Variants in ZNF423 observed in about 807,000 individuals in gnomAD.
ZNF423 encodes the protein zinc finger protein 423.
ZNF423 carries 12 observed loss-of-function variants against 95.8 expected under a neutral mutation model. That is an observed-to-expected ratio of 0.13 (90% confidence interval 0.08 to 0.20). The LOEUF (loss-of-function observed/expected upper bound fraction) is 0.20. ZNF423 is among the 10% of genes least tolerant of loss of function. The pLI, the probability that ZNF423 is intolerant of heterozygous loss-of-function variation, is 1.00. For missense variants in ZNF423, 1,316 were observed against 1,737.1 expected, an observed-to-expected ratio of 0.76 and a Z score of 4.31; for synonymous variants, 749 against 711.9, an observed-to-expected ratio of 1.05 and a Z score of -0.83.
rs562016243 is a variant in ZNF423, at chr16:49,735,917, T to C, written c.101-4946A>G. 4.6e-5 allele frequency among the ~76,000 whole-genome samples: 7 copies of C among 152,272 alleles called. No individual in the cohort carries two copies. In the East Asian group the frequency reaches 1.3e-3, roughly 29 times the overall value. Reference sequence around the variant, plus strand: ...AGTTAGCTCATAGTACTGTGAGAAGTAGTAATAAATTATTGCTTCAGGCCA... The same window carrying C: ...AGTTAGCTCATAGTACTGTGAGAAGCAGTAATAAATTATTGCTTCAGGCCA... On this transcript the variant is annotated intron_variant, in intron 2 of 7. Coordinates refer to ENST00000563137, the MANE Select transcript of ZNF423 (RefSeq NM_001379286.1).
At chr16:49,762,156 G>A (rs2033843838) in intron 2 of ZNF423, among the ~76,000 whole-genome samples, 1 of 152,202 alleles carries the variant, frequency 6.6e-6, no homozygotes, top group African/African-American at 2.4e-5. Flanking sequence ...TTGAGGCCCA[G>A]CAGGCTGAGC....
intron 1 of ZNF423, among the ~76,000 whole-genome samples, chr16:49,828,707 T>C (rs2035031258): frequency 6.6e-6 from 1 of 152,210 alleles, no homozygotes; most frequent in Admixed American, 6.5e-5. Flanking sequence ...GCGGGCGCCA[T>C]GCTCCAGGCG....
chr16:49,801,228 C>G (rs1469434699), intron 1 of ZNF423, among the ~76,000 whole-genome samples: 3 of 152,206 alleles, frequency 2.0e-5, no homozygotes, highest in Non-Finnish European at 4.4e-5. Context: ...GGTGAGGAGA[C>G]AGACGCCAGC....
intron 5 of ZNF423, among the ~76,000 whole-genome samples, chr16:49,532,973 C>T (rs962070426): frequency 1.6e-4 from 24 of 152,188 alleles, no homozygotes; most frequent in African/African-American, 5.1e-4. Context: ...AATGCCAATT[C>T]CACGCATGGG....
intron 3 of ZNF423, among the ~76,000 whole-genome samples, chr16:49,649,671 G>GGA (rs71134598): frequency 0.13 from 19,017 of 147,940 alleles, 1,609 homozygotes; most frequent in South Asian, 0.27. Context: ...ACACACACAG[G>GGA]GAGAGAGAGA....
chr16:49,840,334 G>A (rs948767606), intron 1 of ZNF423, among the ~76,000 whole-genome samples: 3 of 151,918 alleles, frequency 2.0e-5, no homozygotes, highest in East Asian at 1.9e-4. Flanking sequence ...TTCTCTTTTT[G>A]GGGGGGTGGA....
intron 1 of ZNF423, among the ~76,000 whole-genome samples, chr16:49,826,202 A>G (rs1187386200): frequency 2.0e-5 from 3 of 152,046 alleles, no homozygotes; most frequent in African/African-American, 4.8e-5. Flanking sequence ...AAAGAGCAAG[A>G]CCCTGTCTCA....
chr16:49,752,979 C>T (rs2033659258), intron 2 of ZNF423, among the ~76,000 whole-genome samples: 1 of 152,218 alleles, frequency 6.6e-6, no homozygotes, highest in African/African-American at 2.4e-5. Context: ...CACAGTGGCT[C>T]ACGCCTGTAA....
chr16:49,726,856 C>CAAAAAAAAAAAA lies in ZNF423; in HGVS notation c.301+3903_301+3914dup, dbSNP rs368675702. 1.6e-4 allele frequency among the ~76,000 whole-genome samples: 15 copies of CAAAAAAAAAAAA among 94,784 alleles called. 1 individual carries two copies. Among genetic ancestry groups the CAAAAAAAAAAAA allele is most frequent in the South Asian group, 4.3e-4 (1 of 2,340 alleles). 62.2% of individuals were successfully genotyped at this position (94,784 alleles called of 152,430 possible). A position where few individuals can be genotyped will look rare whatever the true frequency, so the allele number is the denominator to read the frequency against. On this transcript the variant is annotated intron_variant, in intron 3 of 7. Coordinates refer to ENST00000563137, the MANE Select transcript of ZNF423 (RefSeq NM_001379286.1). ...ATTTAAAAGACAGAGTTCCCCCTAGCAAAAAAAAAAAAAAAAAAAAAAAAA... is the reference window on the plus strand; with the variant it reads ...ATTTAAAAGACAGAGTTCCCCCTAGCAAAAAAAAAAAAAAAAAAAAAAAAAAAAAAAAAAAAA...
chr16:49,858,364 G>A (rs1381033552), upstream of ZNF423, among the ~76,000 whole-genome samples: 1 of 151,932 alleles, frequency 6.6e-6, no homozygotes, highest in Non-Finnish European at 1.5e-5. The surrounding 1 kb of genome is among the most constrained non-coding windows in gnomAD (Gnocchi z 4.3). Context: ...ACCCCGTGCT[G>A]GGCTGATTGC....
At chr16:49,785,153 C>T (rs897232367) in intron 2 of ZNF423, among the ~76,000 whole-genome samples, 7 of 152,064 alleles carry the variant, frequency 4.6e-5, no homozygotes, top group Non-Finnish European at 8.8e-5. Flanking sequence ...CATAACTCAC[C>T]GTAACCTCAA....
chr16:49,768,935 T>C (rs1001188505), intron 2 of ZNF423, among the ~76,000 whole-genome samples: 5 of 152,030 alleles, frequency 3.3e-5, no homozygotes, highest in Non-Finnish European at 7.4e-5. Context: ...TGACAACTTC[T>C]CCTAGCACCC....
chr16:49,495,919 T>C (rs1452306355), intron 7 of ZNF423, among the ~76,000 whole-genome samples: 3 of 152,190 alleles, frequency 2.0e-5, no homozygotes, highest in Admixed American at 6.5e-5. Flanking sequence ...CTTTGATACC[T>C]ATCCATCACC....
intron 3 of ZNF423, among the ~76,000 whole-genome samples, chr16:49,692,722 A>C (rs745435681): frequency 2.0e-5 from 3 of 152,238 alleles, no homozygotes; most frequent in Non-Finnish European, 4.4e-5. Context: ...ACCCACTCAC[A>C]ACATGCTAGA....
chr16:49,774,616 CAGATA>C (rs200034279), intron 2 of ZNF423, among the ~76,000 whole-genome samples: 3,170 of 152,272 alleles, frequency 0.021, 42 homozygotes, highest in Middle Eastern at 0.041. Context: ...GGATTGGACT[CAGATA>C]AGATGAGTAA....
At chr16:49,621,927 G>T (rs1193981841) in intron 5 of ZNF423, among the ~76,000 whole-genome samples, 1 of 152,144 alleles carries the variant, frequency 6.6e-6, no homozygotes, top group Non-Finnish European at 1.5e-5. Flanking sequence ...CACCAGGTGG[G>T]TCTTCGTTCT....
chr16:49,568,750 C>T (rs1488092185), intron 5 of ZNF423, among the ~76,000 whole-genome samples: 1 of 152,152 alleles, frequency 6.6e-6, no homozygotes, highest in African/African-American at 2.4e-5. Context: ...CACTAAAATT[C>T]ACAGCCCACC....
chr16:49,580,268 C>T lies in ZNF423; in HGVS notation c.3601+45902G>A, dbSNP rs1970629646. Among the ~76,000 whole-genome samples, 2 of 152,174 alleles carry T rather than the reference C, an allele frequency of 1.3e-5. 1 individual carries two copies. The highest frequency in any genetic ancestry group is 2.9e-5 in the Non-Finnish European group (2 of 68,038). ...GGTCACTCCCCACACTCTAGCCCCACACCCAGCTGGCTCCCTCTCATCCTT... is the reference window on the plus strand; with the variant it reads ...GGTCACTCCCCACACTCTAGCCCCATACCCAGCTGGCTCCCTCTCATCCTT... On this transcript the variant is annotated intron_variant, in intron 5 of 7. Coordinates refer to ENST00000563137, the MANE Select transcript of ZNF423 (RefSeq NM_001379286.1).
intron 1 of ZNF423, among the ~76,000 whole-genome samples, chr16:49,796,158 G>A (rs2034495855): frequency 6.6e-6 from 1 of 152,064 alleles, no homozygotes; most frequent in Non-Finnish European, 1.5e-5. Flanking sequence ...CCCTAATGCT[G>A]TCGCCCCAAC....
Sources: allele counts gnomAD v4.1 joint callset (sites outside exome capture counted in the v4.1 genomes callset), GRCh38; gene constraint gnomAD v4.1.1; non-coding constraint Gnocchi (gnomAD v3.1); transcripts MANE v1.5; gene names NCBI Gene and HGNC (gene_info 2026-07-23, HGNC 2026-07-21).